The following VIPR2 variants were observed in gnomAD, a reference collection of about 807,000 sequenced individuals.
VIPR2 encodes vasoactive intestinal peptide receptor 2, also known as vasoactive intestinal polypeptide receptor 2.
In VIPR2, 48 loss-of-function variants were observed where a neutral mutation model predicts 58.0. The ratio of observed to expected loss-of-function variants is 0.83; its 90% CI spans 0.66 to 1.05. The LOEUF is 1.05. Among genes scored for constraint, VIPR2 ranks in the 50% least tolerant of loss-of-function variants. The pLI, the probability that VIPR2 is intolerant of heterozygous loss-of-function variation, is 0.00. For missense variants in VIPR2, 534 were observed against 558.0 expected (o/e 0.96, Z 0.43); for synonymous variants, 243 against 235.2 (o/e 1.03, Z -0.30).
chr7:159,059,093 ATTTC>A (rs1855487730), intron 4 of VIPR2: 1 of 373,972 alleles, frequency 2.7e-6, no homozygotes, highest in Admixed American at 3.5e-5. Flanking sequence ...TTTCCTTAAC[ATTTC>A]TTGGTTTAGC....
chr7:159,122,062 C>G (rs1007226671), intron 2 of VIPR2, among the ~76,000 whole-genome samples: 3 of 152,194 alleles, frequency 2.0e-5, no homozygotes, highest in Admixed American at 2.0e-4. Context: ...GATTCTCCAG[C>G]CCCGCTTTAA....
intron 4 of VIPR2, among the ~76,000 whole-genome samples, chr7:159,092,182 A>T (rs923203446): frequency 3.2e-4 from 48 of 152,200 alleles, no homozygotes; most frequent in African/African-American, 1.1e-3. Flanking sequence ...CCTCCGCCTG[A>T]GCTGTGGACT....
chr7:159,139,555 T>G (rs1351250380), intron 2 of VIPR2, among the ~76,000 whole-genome samples: 1 of 152,192 alleles, frequency 6.6e-6, no homozygotes, highest in African/African-American at 2.4e-5. Flanking sequence ...GACATGTAGA[T>G]CGAAATTAGT....
chr7:159,134,760 C>A (rs1797126859), intron 2 of VIPR2, among the ~76,000 whole-genome samples: 1 of 151,860 alleles, frequency 6.6e-6, no homozygotes, highest in African/African-American at 2.4e-5. Context: ...TGGGTTCACG[C>A]CATTCTCCCG....
chr7:159,055,922 G>C (rs1855297729), intron 5 of VIPR2, among the ~76,000 whole-genome samples: 2 of 152,216 alleles, frequency 1.3e-5, no homozygotes. Flanking sequence ...CTTCCGGAAA[G>C]GGGGACCAGA....
chr7:159,143,912 T>A (rs866683892), intron 1 of VIPR2, among the ~76,000 whole-genome samples: 3 of 152,220 alleles, frequency 2.0e-5, no homozygotes, highest in East Asian at 3.9e-4. Flanking sequence ...GGCCAGGGAG[T>A]GTGGCTCGAG....
At chr7:159,032,998 G>T (rs1853685087) in intron 10 of VIPR2, among the ~76,000 whole-genome samples, 1 of 151,944 alleles carries the variant, frequency 6.6e-6, no homozygotes, top group Admixed American at 6.6e-5. Flanking sequence ...TGGGCAAGCA[G>T]AGACGGGATA....
At chr7:159,034,778 G>A in intron 8 of VIPR2, 128 bp from the exon 9 acceptor site, 1 of 732,674 alleles carries the variant, frequency 1.4e-6, no homozygotes, top group Non-Finnish European at 2.5e-6. Flanking sequence ...TCTCTGCACT[G>A]ACAGATCGTA....
intron 5 of VIPR2, among the ~76,000 whole-genome samples, chr7:159,050,285 G>A (rs976467178): frequency 1.3e-5 from 2 of 150,998 alleles, no homozygotes; most frequent in Non-Finnish European, 2.9e-5. Flanking sequence ...TGCAGTAAGC[G>A]GAGATCATGC....
intron 8 of VIPR2, among the ~76,000 whole-genome samples, chr7:159,035,341 G>C (rs1324113051): frequency 6.6e-6 from 1 of 152,208 alleles, no homozygotes; most frequent in East Asian, 1.9e-4. Flanking sequence ...AGTCCTCCCA[G>C]GTCATCAGGT....
intron 4 of VIPR2, among the ~76,000 whole-genome samples, chr7:159,088,155 A>C (rs1857288128): frequency 6.6e-6 from 1 of 152,216 alleles, no homozygotes; most frequent in African/African-American, 2.4e-5. Flanking sequence ...TCTACCTACT[A>C]GAGCACAGCA....
At chr7:159,067,144 C>T (rs892629661) in intron 4 of VIPR2, among the ~76,000 whole-genome samples, 14 of 152,248 alleles carry the variant, frequency 9.2e-5, no homozygotes, top group Admixed American at 4.6e-4. Context: ...AGATAAAGAA[C>T]GTTCCCATCA....
intron 6 of VIPR2, among the ~76,000 whole-genome samples, chr7:159,041,096 G>T (rs1854299858): frequency 6.6e-6 from 1 of 152,228 alleles, no homozygotes; most frequent in African/African-American, 2.4e-5. Flanking sequence ...CAGTTGCTGG[G>T]TTCCCCTCTG....
rs946626596 is a variant in VIPR2 at position 159,038,044 on chromosome 7, A to G, written c.598-1142T>C. Among the ~76,000 whole-genome samples, 5 of 152,306 alleles carry G rather than the reference A, an allele frequency of 3.3e-5. 1 individual carries two copies. The highest frequency in any genetic ancestry group is 4.1e-4 in the South Asian group (2 of 4,826). On this transcript the variant is annotated intron_variant, in intron 6 of 12. Transcript: ENST00000262178. ...CCTATAAATATATACGGGTGAATATACTTTTTTATATATGGGTGGGTATAC... is the reference window on the plus strand; with the variant it reads ...CCTATAAATATATACGGGTGAATATGCTTTTTTATATATGGGTGGGTATAC...
At chr7:159,135,604 C>T (rs1797183876) in intron 2 of VIPR2, among the ~76,000 whole-genome samples, 1 of 151,788 alleles carries the variant, frequency 6.6e-6, no homozygotes, top group African/African-American at 2.4e-5. Context: ...GGGTGGATCA[C>T]CTGAGGTCAG....
intron 2 of VIPR2, among the ~76,000 whole-genome samples, chr7:159,122,664 C>A (rs142659784): frequency 5.9e-5 from 9 of 152,320 alleles, no homozygotes; most frequent in Admixed American, 5.9e-4. Flanking sequence ...TCTGGAAAGA[C>A]AGCTGCTGAG....
chr7:159,084,790 C>T (rs142143887), intron 4 of VIPR2, among the ~76,000 whole-genome samples: 388 of 152,304 alleles, frequency 2.5e-3, no homozygotes, highest in Non-Finnish European at 4.0e-3. Flanking sequence ...CGCCAGTTGC[C>T]AGTCTCAGAG....
At chr7:159,050,217 A>T (rs1363079640) in intron 5 of VIPR2, among the ~76,000 whole-genome samples, 1 of 151,986 alleles carries the variant, frequency 6.6e-6, no homozygotes, top group Non-Finnish European at 1.5e-5. Context: ...CACGCTTGTA[A>T]TCCCAGCTAC....
chr7:159,096,927 T>C lies in VIPR2; in HGVS notation c.357+6830A>G. ...CCGTTCCCATCACTCGATGAGCCAA[T>C]GCCCTCGTGGCTGGCATTGAGCTTG... On this transcript the variant is annotated intron_variant, in intron 4 of 12. Coordinates refer to ENST00000262178, the MANE Select transcript of VIPR2 (RefSeq NM_003382.5). This position sits in a 1 kb window ranked among gnomAD's most constrained non-coding sequence, Gnocchi z 5.5. The C allele has an allele frequency of 6.4e-7, 1 of 1,550,726 alleles. No individual in the cohort carries two copies. The highest frequency in any genetic ancestry group is 8.7e-7 in the Non-Finnish European group (1 of 1,147,064).
Sources: allele counts gnomAD v4.1 joint callset (sites outside exome capture counted in the v4.1 genomes callset), GRCh38; gene constraint gnomAD v4.1.1; non-coding constraint Gnocchi (gnomAD v3.1); transcripts MANE v1.5; gene names NCBI Gene and HGNC (gene_info 2026-07-23, HGNC 2026-07-21).